MEGF6: variants seen among roughly 807,000 people sequenced by gnomAD.
The protein encoded by MEGF6 is multiple epidermal growth factor-like domains protein 6.
A neutral mutation model predicts 207.1 loss-of-function variants in MEGF6; 184 were observed. The observed-to-expected ratio is 0.89, with a 90% CI of 0.79 to 1.00. MEGF6 has a LOEUF of 1.00. Ranked by LOEUF, MEGF6 falls within the 50% of genes least tolerant of loss-of-function variation. The pLI is 0.00. For missense variants in MEGF6, 2,282 were observed against 2,202.9 expected, an observed-to-expected ratio of 1.04 and a Z score of -0.72; for synonymous variants, 1,038 against 910.0, an observed-to-expected ratio of 1.14 and a Z score of -2.53.
chr1:3,499,747 C>A (rs768395403), intron 22 of MEGF6, 31 bp from the exon 23 acceptor site: 6 of 1,596,048 alleles, frequency 3.8e-6, no homozygotes, highest in Non-Finnish European at 5.1e-6. Context: ...TGTGGAGGGG[C>A]CCACACTGGA....
chr1:3,497,724 G>A (rs114953925), intron 26 of MEGF6: 4,369 of 407,066 alleles, frequency 0.011, 176 homozygotes, highest in African/African-American at 0.084. Context: ...CAGCACTGAG[G>A]CGACGGGAGC....
intron 3 of MEGF6, among the ~76,000 whole-genome samples, chr1:3,590,524 C>T (rs1289244560): frequency 6.6e-6 from 1 of 152,178 alleles, no homozygotes; most frequent in Non-Finnish European, 1.5e-5. Flanking sequence ...GTAAGTGGCT[C>T]TCAGGGAAAT....
rs1000351143 is a variant in MEGF6 at position 3,565,454 on chromosome 1, G to A, written c.481+14371C>T. Among the ~76,000 whole-genome samples the A allele has an allele frequency of 2.6e-5, 4 of 152,206 alleles. No homozygotes were observed. In the East Asian group the frequency reaches 7.7e-4, roughly 29 times the overall value. ...ACCCTGAGCACGCGGCAAGAAGGGA[G>A]GTGGGGACCCCTTGATTGCAGGAGG... On this transcript the variant is annotated intron_variant, in intron 4 of 36. Coordinates refer to ENST00000356575, the MANE Select transcript of MEGF6 (RefSeq NM_001409.4). This position sits in a 1 kb window ranked among gnomAD's most constrained non-coding sequence, Gnocchi z 4.8.
chr1:3,520,553 C>T (rs371065583), intron 5 of MEGF6, among the ~76,000 whole-genome samples: 20 of 152,230 alleles, frequency 1.3e-4, no homozygotes, highest in Admixed American at 7.2e-4. Context: ...AGAGACCGGG[C>T]GCCCTGGGCA....
At position 3,501,243 on chromosome 1, in the gene MEGF6, G is replaced by A. The variant is rs374430481; in HGVS notation, c.2380C>T (p.Arg794Cys). The A allele has an allele frequency of 2.6e-4, 417 of 1,610,556 alleles. No individual in the cohort carries two copies. The highest frequency in any genetic ancestry group is 3.4e-4 in the Non-Finnish European group (398 of 1,179,210). The change falls in exon 19 of 37, where the codon CGC (arginine) becomes TGC (cysteine). Residue 794 changes from arginine to cysteine, a missense_variant. By Grantham distance (180) the Arg-to-Cys change is radical. Coordinates refer to ENST00000356575, the MANE Select transcript of MEGF6 (RefSeq NM_001409.4). ...CAGGCTCCGGTCTCAGGGTCGCAGC[G>A]GGCAGCGTGCTGGCATGCTGGGCAG... is the stretch of plus-strand genomic sequence containing the variant. ...EICPACQHAARCDPETGACLC... is the reference protein window; with the variant it reads ...EICPACQHAACCDPETGACLC...
intron 4 of MEGF6, among the ~76,000 whole-genome samples, chr1:3,555,478 C>T (rs1302799352): frequency 1.3e-5 from 2 of 152,252 alleles, no homozygotes; most frequent in African/African-American, 4.8e-5. Context: ...AAGGCGACTC[C>T]TGTAAGCACT....
intron 2 of MEGF6, among the ~76,000 whole-genome samples, chr1:3,599,029 A>T (rs1384223506): frequency 2.0e-5 from 3 of 152,124 alleles, no homozygotes; most frequent in Non-Finnish European, 4.4e-5. Context: ...GCCGGGCTGG[A>T]GCACCCATCA....
intron 3 of MEGF6, among the ~76,000 whole-genome samples, chr1:3,587,648 T>C (rs1336974010): frequency 2.0e-5 from 3 of 152,178 alleles, no homozygotes; most frequent in Non-Finnish European, 4.4e-5. Context: ...GTGATAGAAA[T>C]AGCATCAATA....
the MEGF6 span, among the ~76,000 whole-genome samples, chr1:3,618,153 G>T: frequency 6.6e-6 from 1 of 152,198 alleles, no homozygotes; most frequent in Non-Finnish European, 1.5e-5. The surrounding 1 kb of genome is among the most constrained non-coding windows in gnomAD (Gnocchi z 4.7). Context: ...AGCCTGGGAG[G>T]CAGGGCGCCC....
At chr1:3,504,087 G>C (rs1292483501) in intron 17 of MEGF6, among the ~76,000 whole-genome samples, 1 of 152,106 alleles carries the variant, frequency 6.6e-6, no homozygotes, top group African/African-American at 2.4e-5. Context: ...CTTGAGTCCA[G>C]AGAGCCCCCT....
At chr1:3,496,525 G>A in intron 29 of MEGF6, 130 bp downstream of exon 29, 1 of 1,379,482 alleles carries the variant, frequency 7.2e-7, no homozygotes, top group Non-Finnish European at 9.9e-7. Context: ...CCCACTTGGG[G>A]CCAGGCCCAG....
Position 3,506,147 on chromosome 1 carries a change from G to T in MEGF6, c.1879C>A (p.Leu627Ile). 6.3e-7 allele frequency: 1 copy of T among 1,597,956 alleles called. No individual in the cohort carries two copies. The highest frequency in any genetic ancestry group is 8.5e-7 in the Non-Finnish European group (1 of 1,172,932). ...GRCHRLYGAC[L>I]CDPGLYGRFC... ...CGGCCGTAGAGCCCTGGGTCGCAGA[G>T]GCAGGCCCCGTAGAGGCGGTGGCAC... The change falls in exon 15 of 37, where the codon CTC (leucine) becomes ATC (isoleucine). Residue 627 changes from leucine to isoleucine, a missense_variant. By Grantham distance (5) the Leu-to-Ile change is conservative (BLOSUM62 2). Coordinates refer to ENST00000356575, the MANE Select transcript of MEGF6 (RefSeq NM_001409.4).
At chr1:3,604,906 G>A (rs2101891835) in intron 1 of MEGF6, among the ~76,000 whole-genome samples, 2 of 152,108 alleles carry the variant, frequency 1.3e-5, no homozygotes, top group East Asian at 3.9e-4. Context: ...CCTGGGGCTG[G>A]GTCCTGACCT....
chr1:3,574,056 C>T (rs1320949446), intron 4 of MEGF6, among the ~76,000 whole-genome samples: 1 of 150,458 alleles, frequency 6.6e-6, no homozygotes, highest in Non-Finnish European at 1.5e-5. Context: ...AGGCCCACAC[C>T]CGAGAGACCC....
intron 1 of MEGF6, among the ~76,000 whole-genome samples, chr1:3,607,518 C>T (rs923702160): frequency 6.6e-6 from 1 of 152,186 alleles, no homozygotes; most frequent in African/African-American, 2.4e-5. Context: ...CAGCACTGCA[C>T]ACACGGCCAC....
chr1:3,579,491 T>G (rs1643739399), intron 4 of MEGF6, among the ~76,000 whole-genome samples: 1 of 152,186 alleles, frequency 6.6e-6, no homozygotes, highest in African/African-American at 2.4e-5. Flanking sequence ...GCAGCACAGG[T>G]GGAGACCCTG....
intron 2 of MEGF6, among the ~76,000 whole-genome samples, chr1:3,597,647 A>T (rs974729597): frequency 6.6e-6 from 1 of 152,208 alleles, no homozygotes; most frequent in African/African-American, 2.4e-5. Flanking sequence ...TGGCTGTGTG[A>T]ACAGGAAGGC....
At position 3,514,534 on chromosome 1, in the gene MEGF6, G is replaced by T; in HGVS notation, c.853+16C>A. On this transcript the variant is annotated intron_variant, in intron 7 of 36. Transcript: ENST00000356575. ...TCTGACCCTGGGCGGGGCGGAGCAG[G>T]GGAGGGGCGTCCTACCTTCACAGGC... 1.3e-6 allele frequency: 2 copies of T among 1,585,340 alleles called. No homozygotes were observed. The highest frequency in any genetic ancestry group is 2.3e-5 in the South Asian group (2 of 87,920).
At chr1:3,525,927 G>A (rs1641945265) in intron 4 of MEGF6, among the ~76,000 whole-genome samples, 1 of 152,218 alleles carries the variant, frequency 6.6e-6, no homozygotes, top group South Asian at 2.1e-4. Context: ...AGAGCAGACA[G>A]GCAGGAGGCC....
Sources: allele counts gnomAD v4.1 joint callset (sites outside exome capture counted in the v4.1 genomes callset), GRCh38; gene constraint gnomAD v4.1.1; non-coding constraint Gnocchi (gnomAD v3.1); transcripts MANE v1.5; gene names NCBI Gene and HGNC (gene_info 2026-07-23, HGNC 2026-07-21).